The following HCN1 variants were observed in gnomAD, a reference collection of about 807,000 sequenced individuals.
HCN1 encodes hyperpolarization activated cyclic nucleotide gated potassium channel 1.
A neutral mutation model predicts 78.9 loss-of-function variants in HCN1; 13 were observed. That is an observed-to-expected ratio of 0.16 (90% CI 0.11 to 0.26). The LOEUF is 0.26. Among genes scored for constraint, HCN1 ranks in the 10% least tolerant of loss-of-function variants. HCN1 has a pLI of 1.00. For synonymous variants in HCN1, 552 were observed against 455.5 expected, an observed-to-expected ratio of 1.21 and a Z score of -2.70; for missense variants, 810 against 1,154.3, an observed-to-expected ratio of 0.70 and a Z score of 4.32.
At chr5:45,312,131 C>T (rs1450685117) in intron 5 of HCN1, among the ~76,000 whole-genome samples, 2 of 152,274 alleles carry the variant, frequency 1.3e-5, no homozygotes, top group South Asian at 2.1e-4. Context: ...ATGGTTGTTT[C>T]AGTCTTCTAA....
intron 2 of HCN1, among the ~76,000 whole-genome samples, chr5:45,517,531 A>AAC (rs1195603059): frequency 6.6e-6 from 1 of 150,428 alleles, no homozygotes; most frequent in African/African-American, 2.4e-5. Flanking sequence ...AAAAAAAAAA[A>AAC]AAAAAAAAAA....
intron 2 of HCN1, among the ~76,000 whole-genome samples, chr5:45,593,315 CTCTCT>C (rs1744417797): frequency 8.5e-6 from 1 of 117,300 alleles, no homozygotes; most frequent in African/African-American, 3.6e-5. Flanking sequence ...CTCTCTCTCT[CTCTCT>C]CCCTCTCTCT....
chr5:45,432,420 C>T (rs1355355687), intron 3 of HCN1, among the ~76,000 whole-genome samples: 1 of 152,002 alleles, frequency 6.6e-6, no homozygotes, highest in East Asian at 1.9e-4. Context: ...GATGCTTTTT[C>T]TTTCCTTCTC....
At chr5:45,371,950 A>T (rs1206673854) in intron 4 of HCN1, among the ~76,000 whole-genome samples, 1 of 99,024 alleles carries the variant, frequency 1.0e-5, no homozygotes, top group Non-Finnish European at 1.9e-5. Flanking sequence ...AATATATAAT[A>T]TAATATAATT....
chr5:45,639,263 T>C (rs1195961939), intron 2 of HCN1, among the ~76,000 whole-genome samples: 2 of 152,196 alleles, frequency 1.3e-5, no homozygotes, highest in African/African-American at 2.4e-5. Flanking sequence ...TAGTGGTCTT[T>C]AGCAGAATCA....
At chr5:45,660,583 G>C (rs979374008) in intron 1 of HCN1, among the ~76,000 whole-genome samples, 3 of 152,086 alleles carry the variant, frequency 2.0e-5, no homozygotes, top group Non-Finnish European at 4.4e-5. Context: ...GACACACATA[G>C]GCTCAAAATA....
At chr5:45,400,659 G>A (rs1015532522) in intron 3 of HCN1, among the ~76,000 whole-genome samples, 11 of 151,936 alleles carry the variant, frequency 7.2e-5, no homozygotes, top group Non-Finnish European at 1.5e-4. Flanking sequence ...CACCTGCCTT[G>A]GCCTCCTAAA....
intron 1 of HCN1, among the ~76,000 whole-genome samples, chr5:45,692,701 T>C (rs1739937611): frequency 6.6e-6 from 1 of 152,048 alleles, no homozygotes; most frequent in South Asian, 2.1e-4. Context: ...TCTTGGGCTC[T>C]GGTGGGGAAA....
intron 5 of HCN1, among the ~76,000 whole-genome samples, chr5:45,307,814 G>C (rs545062153): frequency 1.1e-3 from 173 of 152,192 alleles, no homozygotes; most frequent in African/African-American, 4.1e-3. Context: ...TAATAATAAT[G>C]TATCAATATT....
At chr5:45,543,667 T>C (rs1198442366) in intron 2 of HCN1, among the ~76,000 whole-genome samples, 1 of 152,088 alleles carries the variant, frequency 6.6e-6, no homozygotes, top group Non-Finnish European at 1.5e-5. Flanking sequence ...ATCAAGGAAG[T>C]ACAGCTTCCA....
chr5:45,375,958 T>C (rs1487976389), intron 4 of HCN1, among the ~76,000 whole-genome samples: 138 of 118,728 alleles, frequency 1.2e-3, no homozygotes, highest in Admixed American at 2.0e-3. Context: ...ATATTATATA[T>C]GATAAAATAT....
chr5:45,331,918 C>G (rs570904194), intron 5 of HCN1, among the ~76,000 whole-genome samples: 2 of 151,602 alleles, frequency 1.3e-5, no homozygotes, highest in African/African-American at 4.8e-5. Flanking sequence ...GCTTCAAAAT[C>G]AAATGATATT....
At chr5:45,443,730 T>C (rs1740729498) in intron 3 of HCN1, among the ~76,000 whole-genome samples, 1 of 152,152 alleles carries the variant, frequency 6.6e-6, no homozygotes, top group South Asian at 2.1e-4. Flanking sequence ...AGTTAAAACA[T>C]AATTTAATAT....
chr5:45,513,793 C>CA (rs1157141640), intron 2 of HCN1, among the ~76,000 whole-genome samples: 1 of 152,060 alleles, frequency 6.6e-6, no homozygotes, highest in African/African-American at 2.4e-5. Flanking sequence ...TCCCTGGTGA[C>CA]AAAAAGGTTG....
chr5:45,264,624 T>A (rs1744816958), intron 7 of HCN1, among the ~76,000 whole-genome samples: 1 of 152,212 alleles, frequency 6.6e-6, no homozygotes, highest in African/African-American at 2.4e-5. Context: ...ACATTAGTAA[T>A]AAATATAAAT....
intron 2 of HCN1, among the ~76,000 whole-genome samples, chr5:45,577,791 T>A (rs1743978927): frequency 6.6e-6 from 1 of 152,202 alleles, no homozygotes; most frequent in South Asian, 2.1e-4. Flanking sequence ...TTTCCTTAAA[T>A]GTACTTAGAA....
At chr5:45,561,383 G>A (rs1743598578) in intron 2 of HCN1, among the ~76,000 whole-genome samples, 1 of 151,854 alleles carries the variant, frequency 6.6e-6, no homozygotes, top group African/African-American at 2.4e-5. Flanking sequence ...TCAATTTAGA[G>A]TACTTCTAAT....
chr5:45,377,666 G>C (rs1195072750), intron 4 of HCN1, among the ~76,000 whole-genome samples: 1 of 151,966 alleles, frequency 6.6e-6, no homozygotes, highest in Non-Finnish European at 1.5e-5. Flanking sequence ...ATCTCCCTAA[G>C]ACTCAGCAGT....
At chr5:45,304,152 C>A (rs1305165022) in intron 5 of HCN1, among the ~76,000 whole-genome samples, 3 of 152,030 alleles carry the variant, frequency 2.0e-5, no homozygotes, top group Non-Finnish European at 4.4e-5. Context: ...GAAACTAAAA[C>A]TTCTAAAATG....
Sources: allele counts gnomAD v4.1 joint callset (sites outside exome capture counted in the v4.1 genomes callset), GRCh38; gene constraint gnomAD v4.1.1; transcripts MANE v1.5; gene names NCBI Gene and HGNC (gene_info 2026-07-23, HGNC 2026-07-21).